Variants in SIGLEC9 observed in about 807,000 individuals in gnomAD.
SIGLEC9 encodes sialic acid-binding Ig-like lectin 9.
A neutral mutation model predicts 38.3 loss-of-function variants in SIGLEC9; 26 were observed. The ratio of observed to expected loss-of-function variants is 0.68; its 90% CI spans 0.50 to 0.94. SIGLEC9 has a LOEUF of 0.94. SIGLEC9 is among the 40% of genes least tolerant of loss of function. SIGLEC9 has a pLI of 0.00. For missense variants in SIGLEC9, 556 were observed against 585.7 expected (o/e 0.95, Z 0.52); for synonymous variants, 236 against 248.0 (o/e 0.95, Z 0.45).
rs1472290840 is a variant in SIGLEC9 at position 51,130,254 on chromosome 19, G to C, written c.*175G>C. The C allele has an allele frequency of 5.7e-6, 7 of 1,230,128 alleles. No homozygotes were observed. The highest frequency in any genetic ancestry group is 1.6e-5 in the African/African-American group (1 of 64,438). 76.2% of individuals were successfully genotyped at this position (1,230,128 alleles called of 1,614,324 possible). A position where few individuals can be genotyped will look rare whatever the true frequency, so the allele number is the denominator to read the frequency against. On this transcript the variant is annotated 3_prime_UTR_variant, in exon 7 of 7. Coordinates refer to ENST00000250360, the MANE Select transcript of SIGLEC9 (RefSeq NM_014441.3). ...TTTAGAGTCAAAGTATCTCAAACCT[G>C]AATCCACACTGTGCCCTCCCTTTTA...
At chr19:51,123,689 C>G (rs1013948970), upstream of SIGLEC9, among the ~76,000 whole-genome samples, 1 of 152,072 alleles carries the variant, frequency 6.6e-6, no homozygotes. Context: ...TGCGGCATCC[C>G]CAGTGTTCTG....
At position 51,125,308 on chromosome 19, in the gene SIGLEC9, A is replaced by G; in HGVS notation, c.334A>G (p.Ser112Gly). ...CTLSIRDARR[S>G]DAGRYFFRME... ...CCTGAGCATCAGAGATGCCAGAAGA[A>G]GTGATGCGGGGAGATACTTCTTTCG... The change falls in exon 1 of 7, where the codon AGT becomes GGT. Residue 112 changes from serine to glycine, a missense_variant. Transcript: ENST00000250360. 1 of 1,613,834 alleles carries G rather than the reference A, an allele frequency of 6.2e-7. No homozygotes were observed. The highest frequency in any genetic ancestry group is 2.2e-5 in the East Asian group (1 of 44,882).
At chr19:51,131,590 A>AAAT (rs2092015323), downstream of SIGLEC9, among the ~76,000 whole-genome samples, 3 of 150,660 alleles carry the variant, frequency 2.0e-5, no homozygotes, top group South Asian at 2.1e-4. Flanking sequence ...CGTCTCAAAA[A>AAAT]AAATAAATAA....
downstream of SIGLEC9, among the ~76,000 whole-genome samples, chr19:51,133,051 T>C (rs979261230): frequency 3.3e-5 from 5 of 151,700 alleles, no homozygotes; most frequent in East Asian, 1.9e-4. Context: ...TATACATATA[T>C]AGTTATAAAT....
At chr19:51,132,969 ATATGTG>A (rs2122860361), downstream of SIGLEC9, among the ~76,000 whole-genome samples, 1 of 151,876 alleles carries the variant, frequency 6.6e-6, no homozygotes, top group South Asian at 2.1e-4. Context: ...AAATATATGT[ATATGTG>A]TATATGTATG....
At chr19:51,132,678 T>C (rs1269677327), downstream of SIGLEC9, among the ~76,000 whole-genome samples, 1 of 152,196 alleles carries the variant, frequency 6.6e-6, no homozygotes, top group African/African-American at 2.4e-5. Context: ...ATTGTCTGAG[T>C]GCTTCATTCT....
At chr19:51,134,421 T>A (rs1453788790), downstream of SIGLEC9, among the ~76,000 whole-genome samples, 1 of 152,118 alleles carries the variant, frequency 6.6e-6, no homozygotes, top group Non-Finnish European at 1.5e-5. Context: ...CATCCCAAAG[T>A]GCTGGGATTA....
In SIGLEC9 at chr19:51,125,732, C is replaced by T. The variant is rs764072934; in HGVS notation, c.557C>T (p.Ser186Phe). The change falls in exon 2 of 7, where the codon TCC (serine) becomes TTC (phenylalanine). Residue 186 changes from serine to phenylalanine, a missense_variant. Physicochemically the swap from Ser to Phe is radical, Grantham distance 155. Coordinates refer to ENST00000250360, the MANE Select transcript of SIGLEC9 (RefSeq NM_014441.3). ...PMISWIGTSV[S>F]PLDPSTTRSS... is the part of the protein sequence containing the mutation. ...ATCTCCTGGATAGGGACCTCCGTGT[C>T]CCCCCTGGACCCCTCCACCACCCGC... 4.9e-5 allele frequency: 79 copies of T among 1,613,634 alleles called. No homozygotes were observed. The highest frequency in any genetic ancestry group is 8.3e-5 in the Admixed American group (5 of 59,998).
At chr19:51,132,377 T>C (rs1474725285), downstream of SIGLEC9, among the ~76,000 whole-genome samples, 1 of 152,086 alleles carries the variant, frequency 6.6e-6, no homozygotes, top group Non-Finnish European at 1.5e-5. Flanking sequence ...GGTCGAGGCA[T>C]GGAAAAATAC....
Position 51,129,984 on chromosome 19 carries a change from T to C in SIGLEC9, c.1297T>C (p.Tyr433His). ...CTCAGTGGGGGAAGGAGAGCTCCAGTATGCATCCCTCAGCTTCCAGATGGT... is the reference window on the plus strand; with the variant it reads ...CTCAGTGGGGGAAGGAGAGCTCCAGCATGCATCCCTCAGCTTCCAGATGGT... ...RSSVGEGELQ[Y>H]ASLSFQMVKP... Residue 433 changes from tyrosine (Y) to histidine (H), a missense_variant, in exon 7 of 7, where the codon TAT becomes CAT. Transcript: ENST00000250360. 6.2e-7 allele frequency: 1 copy of C among 1,614,050 alleles called. No homozygotes were observed. The highest frequency in any genetic ancestry group is 1.6e-4 in the Middle Eastern group (1 of 6,062).
In SIGLEC9 at chr19:51,125,201, C is replaced by T. The variant is rs1439038451; in HGVS notation, c.227C>T (p.Thr76Ile). 3 of 1,614,092 alleles carry T rather than the reference C, an allele frequency of 1.9e-6. No individual in the cohort carries two copies. The South Asian group carries it at 3.3e-5, about 18-fold the overall frequency. ...ACAGACCAGGATGCTCCAGTGGCCACAAACAACCCAGCTCGGGCAGTGTGG... is the reference window on the plus strand; with the variant it reads ...ACAGACCAGGATGCTCCAGTGGCCATAAACAACCCAGCTCGGGCAGTGTGG... ...ANTDQDAPVA[T>I]NNPARAVWEE... The change falls in exon 1 of 7, where the codon ACA (threonine) becomes ATA (isoleucine). Residue 76 changes from threonine (T) to isoleucine (I), a missense_variant. Physicochemically the swap from Thr to Ile is moderately conservative, Grantham distance 89 (BLOSUM62 -1). Transcript: ENST00000250360.
At chr19:51,128,072 G>A in intron 5 of SIGLEC9, 33 bp downstream of exon 5, 1 of 1,531,242 alleles carries the variant, frequency 6.5e-7, no homozygotes, top group Non-Finnish European at 9.0e-7. Flanking sequence ...GAGGGAGGGA[G>A]AGCCCTGGGG....
downstream of SIGLEC9, among the ~76,000 whole-genome samples, chr19:51,131,676 G>A (rs758922358): frequency 1.4e-4 from 21 of 152,088 alleles, no homozygotes; most frequent in Admixed American, 3.3e-4. Context: ...AACACTTTGG[G>A]AGGCTGAGGA....
chr19:51,124,489 G>T (rs981361841), upstream of SIGLEC9, among the ~76,000 whole-genome samples: 4 of 152,046 alleles, frequency 2.6e-5, no homozygotes, highest in Admixed American at 1.3e-4. Flanking sequence ...CAGAAAGGGG[G>T]TGCCCACCTC....
Position 51,125,697 on chromosome 19 carries a change from A to C in SIGLEC9, c.522A>C (p.Thr174=). ...CSVPWACEQG[T]PPMISWIGTS... is the part of the protein sequence containing the mutation. The stretch of plus-strand genomic sequence containing the variant: ...TGCCCTGGGCCTGTGAGCAGGGGAC[A>C]CCCCCTATGATCTCCTGGATAGGGA... The change falls in exon 2 of 7, where the codon ACA becomes ACC. Residue 174 remains threonine, a synonymous_variant. Coordinates refer to ENST00000250360, the MANE Select transcript of SIGLEC9 (RefSeq NM_014441.3). 3 of 1,613,672 alleles carry C rather than the reference A, an allele frequency of 1.9e-6. No homozygotes were observed. Among genetic ancestry groups the C allele is most frequent in the Non-Finnish European group, 1.7e-6 (2 of 1,179,906 alleles).
chr19:51,120,433 C>G (rs1362450527), upstream of SIGLEC9: 1 of 152,224 alleles, frequency 6.6e-6, no homozygotes, highest in South Asian at 2.1e-4. This position sits in a 1 kb window ranked among gnomAD's most constrained non-coding sequence, Gnocchi z 4.1. Context: ...AGGGAGTGCC[C>G]CCACTCCCAG....
intron 5 of SIGLEC9, 109 bp downstream of exon 5, chr19:51,128,148 G>C (rs1239924274): frequency 2.4e-5 from 22 of 916,568 alleles, no homozygotes; most frequent in Non-Finnish European, 1.7e-6. Context: ...TCAAGAGCTT[G>C]GGGCAAGAAG....
upstream of SIGLEC9, among the ~76,000 whole-genome samples, chr19:51,120,928 C>T (rs1568608046): frequency 6.6e-6 from 1 of 151,716 alleles, no homozygotes; most frequent in Non-Finnish European, 1.5e-5. This position sits in a 1 kb window ranked among gnomAD's most constrained non-coding sequence, Gnocchi z 4.1. Flanking sequence ...TCACTGCAGC[C>T]TCCGCCTTCC....
At chr19:51,127,912 A>T in intron 4 of SIGLEC9, 37 bp from the exon 5 acceptor site, 1 of 1,306,812 alleles carries the variant, frequency 7.7e-7, no homozygotes, top group Non-Finnish European at 1.1e-6. Context: ...CCAATTCTCT[A>T]TGATATATCA....
Sources: gnomAD v4.1 joint callset for allele counts (sites outside exome capture counted in the v4.1 genomes callset) on GRCh38, gnomAD v4.1.1 for gene constraint, Gnocchi (gnomAD v3.1) non-coding constraint, MANE v1.5 for transcripts, NCBI Gene and HGNC (gene_info 2026-07-23, HGNC 2026-07-21) for gene names.